Variants in IMPG2 observed in about 807,000 individuals in gnomAD.
IMPG2 encodes IPM 200.
A neutral mutation model predicts 129.2 loss-of-function variants in IMPG2; 91 were observed. That is an observed-to-expected ratio of 0.70 (90% CI 0.59 to 0.84). The LOEUF (loss-of-function observed/expected upper bound fraction) is 0.84. Among genes scored for constraint, IMPG2 ranks in the 40% least tolerant of loss-of-function variants. IMPG2 has a pLI of 0.00. For synonymous variants in IMPG2, 510 were observed against 517.7 expected (o/e 0.99, Z 0.20); for missense variants, 1,430 against 1,461.7 (o/e 0.98, Z 0.35).
chr3:101,228,412 G>T (rs146151080), intron 18 of IMPG2, among the ~76,000 whole-genome samples: 397 of 152,310 alleles, frequency 2.6e-3, no homozygotes, highest in Non-Finnish European at 4.6e-3. Context: ...AGATCAATCA[G>T]ATCACTAGTG....
intron 2 of IMPG2, among the ~76,000 whole-genome samples, chr3:101,309,230 C>T (rs1441811461): frequency 1.3e-5 from 2 of 152,150 alleles, no homozygotes; most frequent in Non-Finnish European, 2.9e-5. Context: ...TTACCCAGTT[C>T]CAAAGTTGCT....
chr3:101,289,035 CA>C (rs1706976919), intron 4 of IMPG2, among the ~76,000 whole-genome samples: 1 of 152,194 alleles, frequency 6.6e-6, no homozygotes, highest in Admixed American at 6.5e-5. Context: ...TCCTAAAACA[CA>C]GTTCATTTCC....
chr3:101,292,518 A>C (rs1193614891), intron 3 of IMPG2, among the ~76,000 whole-genome samples: 1 of 152,216 alleles, frequency 6.6e-6, no homozygotes, highest in African/African-American at 2.4e-5. Context: ...CAATCCTCTG[A>C]GCTTTCAGCA....
chr3:101,302,122 T>C (rs1388522883), intron 3 of IMPG2, among the ~76,000 whole-genome samples: 1 of 152,258 alleles, frequency 6.6e-6, no homozygotes, highest in Non-Finnish European at 1.5e-5. Flanking sequence ...AAGTAACTTG[T>C]ACTTATCATT....
At chr3:101,303,835 C>A (rs1018187367) in intron 3 of IMPG2, among the ~76,000 whole-genome samples, 98 of 152,276 alleles carry the variant, frequency 6.4e-4, no homozygotes, top group African/African-American at 2.2e-3. Flanking sequence ...TATTCTTAAC[C>A]TAAACCTTTG....
chr3:101,282,578 G>A (rs192747593), intron 4 of IMPG2, among the ~76,000 whole-genome samples: 14 of 152,126 alleles, frequency 9.2e-5, no homozygotes, highest in Admixed American at 4.6e-4. Flanking sequence ...GTTCTGCTAT[G>A]CTATTTATTT....
chr3:101,277,576 TA>T, intron 4 of IMPG2, among the ~76,000 whole-genome samples: 1 of 152,302 alleles, frequency 6.6e-6, no homozygotes, highest in East Asian at 1.9e-4. Flanking sequence ...ATTGAAATCA[TA>T]AAACCTATTT....
chr3:101,312,036 C>T (rs1042970635), intron 2 of IMPG2, among the ~76,000 whole-genome samples: 1 of 149,986 alleles, frequency 6.7e-6, no homozygotes, highest in African/African-American at 2.4e-5. Context: ...AAAAAAAAAT[C>T]AACTCAAAAT....
At chr3:101,233,386 G>T (rs1187079461) in intron 14 of IMPG2, among the ~76,000 whole-genome samples, 1 of 152,108 alleles carries the variant, frequency 6.6e-6, no homozygotes, top group Non-Finnish European at 1.5e-5. Flanking sequence ...TGCTGCAGTT[G>T]ACCTCCACTC....
intron 11 of IMPG2, among the ~76,000 whole-genome samples, chr3:101,251,637 G>A (rs1462539742): frequency 5.9e-5 from 9 of 152,134 alleles, no homozygotes; most frequent in Non-Finnish European, 1.5e-5. Context: ...CACTGTACAA[G>A]TGATTTTCCA....
intron 4 of IMPG2, among the ~76,000 whole-genome samples, chr3:101,289,520 G>A (rs999268428): frequency 6.6e-6 from 1 of 152,030 alleles, no homozygotes; most frequent in Admixed American, 6.6e-5. Context: ...GTTTGATAAT[G>A]TTAGTCAGGC....
intron 11 of IMPG2, among the ~76,000 whole-genome samples, chr3:101,248,911 C>T (rs1446292336): frequency 6.6e-6 from 1 of 152,170 alleles, no homozygotes; most frequent in Non-Finnish European, 1.5e-5. Context: ...CTGTGATCTG[C>T]ACCACCCCTG....
At chr3:101,234,856 C>G (rs749008332) in intron 14 of IMPG2, among the ~76,000 whole-genome samples, 2 of 152,146 alleles carry the variant, frequency 1.3e-5, no homozygotes, top group Non-Finnish European at 2.9e-5. Context: ...AAATAAAGTA[C>G]TTTAATCTGA....
At chr3:101,239,664 C>T (rs561188195) in intron 14 of IMPG2, among the ~76,000 whole-genome samples, 67 of 152,294 alleles carry the variant, frequency 4.4e-4, no homozygotes, top group Middle Eastern at 3.4e-3. Flanking sequence ...AGACTTGGAA[C>T]CAATCCAAAT....
At position 101,319,597 on chromosome 3, in the gene IMPG2, A is replaced by G. The variant is rs753791932; in HGVS notation, c.321T>C (p.Tyr107=). 8.1e-6 allele frequency: 13 copies of G among 1,613,594 alleles called. No homozygotes were observed. The highest frequency in any genetic ancestry group is 1.0e-5 in the Non-Finnish European group (12 of 1,179,734). ...VAEAVANHVK[Y]FKVRVCQEAV... ...ATGTTCGCTTACCTCGGACTTTAAA[A>G]TACTTCACATGATTTGCCACAGCCT... The change falls in exon 2 of 19, where the codon TAT becomes TAC. Residue 107 remains tyrosine, a synonymous_variant. Coordinates refer to ENST00000193391, the MANE Select transcript of IMPG2 (RefSeq NM_016247.4).
At chr3:101,301,550 G>A (rs1340689486) in intron 3 of IMPG2, among the ~76,000 whole-genome samples, 1 of 152,166 alleles carries the variant, frequency 6.6e-6, no homozygotes, top group South Asian at 2.1e-4. Context: ...CACACAGGTG[G>A]TTCAAATGAA....
chr3:101,285,576 GACTC>G (rs1287930095), intron 4 of IMPG2, among the ~76,000 whole-genome samples: 1 of 152,042 alleles, frequency 6.6e-6, no homozygotes, highest in Non-Finnish European at 1.5e-5. Flanking sequence ...TTATTGCATG[GACTC>G]ACAGCCAGGC....
intron 9 of IMPG2, among the ~76,000 whole-genome samples, chr3:101,258,493 T>C (rs1173560883): frequency 6.6e-6 from 1 of 152,180 alleles, no homozygotes; most frequent in Non-Finnish European, 1.5e-5. Context: ...TAACCAATTT[T>C]GTATGTAACT....
At position 101,243,922 on chromosome 3, in the gene IMPG2, C is replaced by T; in HGVS notation, c.2409G>A (p.Gln803=). The change falls in exon 13 of 19, where the codon CAG becomes CAA. Residue 803 remains glutamine, a synonymous_variant. Transcript: ENST00000193391. ...LSRDILASTP[Q]SADRLWLSVT... is the part of the protein sequence containing the mutation. ...CAGATAACCAGAGCCTGTCAGCACT[C>T]TGTGGTGTACTTGCCAATATGTCTC... The T allele has an allele frequency of 6.2e-7, 1 of 1,614,204 alleles. No individual in the cohort carries two copies. The highest frequency in any genetic ancestry group is 8.5e-7 in the Non-Finnish European group (1 of 1,180,034).
Sources: allele counts gnomAD v4.1 joint callset (sites outside exome capture counted in the v4.1 genomes callset), GRCh38; gene constraint gnomAD v4.1.1; transcripts MANE v1.5; gene names NCBI Gene and HGNC (gene_info 2026-07-23, HGNC 2026-07-21).